The following NRXN3 variants were observed in gnomAD, a reference collection of about 807,000 sequenced individuals.
The protein encoded by NRXN3 is neurexin III.
A neutral mutation model predicts 137.6 loss-of-function variants in NRXN3; 32 were observed. The observed-to-expected ratio is 0.23, with a 90% CI of 0.18 to 0.31. The LOEUF (loss-of-function observed/expected upper bound fraction) is 0.31. Ranked by LOEUF, NRXN3 falls within the 10% of genes least tolerant of loss-of-function variation. NRXN3 has a pLI of 1.00. For missense variants in NRXN3, 1,574 were observed against 2,062.5 expected (o/e 0.76, Z 4.59); for synonymous variants, 798 against 784.5 (o/e 1.02, Z -0.29).
chr14:79,246,568 A>G (rs1423459601), intron 15 of NRXN3: 1 of 152,108 alleles, frequency 6.6e-6, no homozygotes, highest in Non-Finnish European at 1.5e-5. Flanking sequence ...TTTTTAACAC[A>G]CACACACACT....
intron 4 of NRXN3, among the ~76,000 whole-genome samples, chr14:78,419,957 G>GCGCATGCGCGCACACACA (rs1371938439): frequency 2.1e-5 from 1 of 48,082 alleles, no homozygotes; most frequent in African/African-American, 8.8e-5. Context: ...GCGCGCGCGC[G>GCGCATGCGCGCACACACA]CACGCACACA....
intron 15 of NRXN3, among the ~76,000 whole-genome samples, chr14:79,402,598 C>CT (rs1244126136): frequency 1.3e-5 from 2 of 152,164 alleles, no homozygotes; most frequent in Non-Finnish European, 2.9e-5. Flanking sequence ...TTCCCCTCAC[C>CT]TACCTTAATT....
chr14:78,397,506 C>T (rs2091592212), intron 4 of NRXN3, among the ~76,000 whole-genome samples: 1 of 151,492 alleles, frequency 6.6e-6, no homozygotes, highest in South Asian at 2.1e-4. Context: ...TTTTTTTTCC[C>T]ATTCTTAAAA....
At chr14:78,652,709 C>G (rs1231535204) in intron 6 of NRXN3, among the ~76,000 whole-genome samples, 1 of 152,200 alleles carries the variant, frequency 6.6e-6, no homozygotes, top group Non-Finnish European at 1.5e-5. Flanking sequence ...GAGCCTTGTC[C>G]AGGCAGGAAT....
chr14:78,333,206 C>T (rs2081044788), intron 4 of NRXN3, among the ~76,000 whole-genome samples: 1 of 152,156 alleles, frequency 6.6e-6, no homozygotes, highest in Admixed American at 6.5e-5. Context: ...GTAAATTCTG[C>T]AGGCCTAAGG....
intron 4 of NRXN3, among the ~76,000 whole-genome samples, chr14:78,602,907 C>T: frequency 6.6e-6 from 1 of 152,154 alleles, no homozygotes; most frequent in East Asian, 1.9e-4. Context: ...CCCTTTGTCC[C>T]CTGCCCTTCA....
At chr14:79,402,365 A>G (rs1223262148) in intron 15 of NRXN3, among the ~76,000 whole-genome samples, 2 of 152,234 alleles carry the variant, frequency 1.3e-5, no homozygotes, top group Non-Finnish European at 2.9e-5. Context: ...GCATATTCAT[A>G]ATAAAAATCC....
chr14:79,025,004 C>A (rs757453109), intron 15 of NRXN3, among the ~76,000 whole-genome samples: 23 of 152,056 alleles, frequency 1.5e-4, no homozygotes, highest in African/African-American at 5.3e-4. Context: ...GCTGGGATGG[C>A]CCTGGATGTG....
chr14:78,742,586 C>T (rs1446063879), intron 8 of NRXN3, among the ~76,000 whole-genome samples: 1 of 152,074 alleles, frequency 6.6e-6, no homozygotes, highest in African/African-American at 2.4e-5. Context: ...TAGAATGATT[C>T]TTGGAACTTT....
At chr14:79,023,298 G>A (rs1380384218) in intron 15 of NRXN3, among the ~76,000 whole-genome samples, 1 of 151,934 alleles carries the variant, frequency 6.6e-6, no homozygotes, top group Non-Finnish European at 1.5e-5. Context: ...CAGGGTACTG[G>A]GGATACAGAG....
chr14:78,578,338 C>T (rs1410645849), intron 4 of NRXN3, among the ~76,000 whole-genome samples: 7 of 152,148 alleles, frequency 4.6e-5, no homozygotes, highest in African/African-American at 7.2e-5. Flanking sequence ...AAATTTCTTG[C>T]TATGAGTAAT....
chr14:79,527,139 C>T (rs2153711403), intron 16 of NRXN3, among the ~76,000 whole-genome samples: 1 of 151,644 alleles, frequency 6.6e-6, no homozygotes, highest in South Asian at 2.1e-4. Flanking sequence ...ACTAAAAATA[C>T]AAAAATTAGC....
intron 4 of NRXN3, among the ~76,000 whole-genome samples, chr14:78,456,823 T>C (rs941465000): frequency 7.9e-6 from 1 of 125,990 alleles, no homozygotes; most frequent in Non-Finnish European, 1.8e-5. Context: ...CTTTCTTTCT[T>C]TCTTTCTTTC....
chr14:79,558,252 A>G (rs2097451348), intron 16 of NRXN3, among the ~76,000 whole-genome samples: 1 of 152,144 alleles, frequency 6.6e-6, no homozygotes, highest in Non-Finnish European at 1.5e-5. Context: ...CCTCCCATGA[A>G]TCATTGATGT....
intron 15 of NRXN3, among the ~76,000 whole-genome samples, chr14:79,002,248 G>T (rs1482002232): frequency 6.6e-6 from 1 of 152,156 alleles, no homozygotes; most frequent in African/African-American, 2.4e-5. Flanking sequence ...TACATGTGCA[G>T]GATGTACAGG....
intron 16 of NRXN3, among the ~76,000 whole-genome samples, chr14:79,579,483 T>G (rs1487635522): frequency 6.6e-6 from 1 of 151,648 alleles, no homozygotes; most frequent in Non-Finnish European, 1.5e-5. Flanking sequence ...CTATGTGTGA[T>G]GGGACTGATA....
intron 14 of NRXN3, among the ~76,000 whole-genome samples, chr14:78,970,942 C>T (rs1406772691): frequency 6.6e-6 from 1 of 152,166 alleles, no homozygotes; most frequent in African/African-American, 2.4e-5. Context: ...ATGCCTACCC[C>T]GCTGGGTGGG....
chr14:78,924,784 CT>C (rs1295276751), intron 10 of NRXN3, among the ~76,000 whole-genome samples: 7 of 152,088 alleles, frequency 4.6e-5, no homozygotes, highest in African/African-American at 1.7e-4. Flanking sequence ...TGAAATAACT[CT>C]TGTTAAAATC....
intron 10 of NRXN3, among the ~76,000 whole-genome samples, chr14:78,902,742 AC>A (rs1334372141): frequency 2.0e-5 from 3 of 151,956 alleles, no homozygotes; most frequent in African/African-American, 4.8e-5. Context: ...TCCAGAGCCA[AC>A]CCTACAGCTG....
Sources: gnomAD v4.1 joint callset for allele counts (sites outside exome capture counted in the v4.1 genomes callset) on GRCh38, gnomAD v4.1.1 for gene constraint, MANE v1.5 for transcripts, NCBI Gene and HGNC (gene_info 2026-07-23, HGNC 2026-07-21) for gene names.